The following PTCD3 variants were observed in gnomAD, a reference collection of about 807,000 sequenced individuals.
PTCD3 encodes small ribosomal subunit protein mS39.
A neutral mutation model predicts 101.9 loss-of-function variants in PTCD3; 89 were observed. That is an observed-to-expected ratio of 0.87 (90% confidence interval 0.74 to 1.04). The LOEUF (loss-of-function observed/expected upper bound fraction) is 1.04, where lower values mean the gene tolerates loss of function less well. Ranked by LOEUF, PTCD3 falls within the 50% of genes least tolerant of loss-of-function variation. The pLI, the probability that PTCD3 is intolerant of heterozygous loss-of-function variation, is 0.00. For missense variants in PTCD3, 870 were observed against 828.2 expected (o/e 1.05, Z -0.62); for synonymous variants, 296 against 278.5 (o/e 1.06, Z -0.63).
At chr2:86,128,262 ATTT>A (rs35529284) in intron 14 of PTCD3, among the ~76,000 whole-genome samples, 3 of 133,010 alleles carry the variant, frequency 2.3e-5, no homozygotes, top group Admixed American at 7.6e-5. Context: ...TGCCTAGCTG[ATTT>A]TTTTTTTTTT....
intron 1 of PTCD3, among the ~76,000 whole-genome samples, chr2:86,107,793 C>T (rs917600266): frequency 6.6e-5 from 10 of 152,200 alleles, no homozygotes; most frequent in East Asian, 1.9e-4. Context: ...GTAGTCCTTT[C>T]TGATCAGGGC....
intron 4 of PTCD3, 40 bp downstream of exon 4, chr2:86,111,198 G>GCTAATAACACA: frequency 1.3e-6 from 2 of 1,530,402 alleles, no homozygotes; most frequent in Non-Finnish European, 1.8e-6. Context: ...CTAAAACTTG[G>GCTAATAACACA]CTAATAACAC....
chr2:86,134,980 G>GT lies in PTCD3; in HGVS notation c.1771_1772insT (p.Glu591ValfsTer13). 1 of 1,614,060 alleles carries GT rather than the reference G, an allele frequency of 6.2e-7. No individual in the cohort carries two copies. The highest frequency in any genetic ancestry group is 8.5e-7 in the Non-Finnish European group (1 of 1,179,944). On this transcript the variant is annotated frameshift_variant, in exon 21 of 24. Transcript: ENST00000254630. LOFTEE classifies it high-confidence loss of function. ...CTTTTTAAGGGCTGGGAGAACTCAG[G>GT]AAGCCTGGTGAGTACAGTACCACAA...
chr2:86,129,046 T>A (rs548627803), intron 14 of PTCD3, among the ~76,000 whole-genome samples: 4 of 152,208 alleles, frequency 2.6e-5, no homozygotes, highest in Non-Finnish European at 5.9e-5. Flanking sequence ...GAGGACTAAT[T>A]TTGTAAAATC....
At chr2:86,136,381 C>T in intron 21 of PTCD3, 140 bp from the exon 22 acceptor site, 1 of 809,066 alleles carries the variant, frequency 1.2e-6, no homozygotes, top group South Asian at 1.7e-5. Flanking sequence ...TAGTAGAGCC[C>T]ACAGATGTGT....
intron 12 of PTCD3, among the ~76,000 whole-genome samples, chr2:86,126,129 C>CT (rs1480080425): frequency 6.6e-6 from 1 of 151,164 alleles, no homozygotes; most frequent in Non-Finnish European, 1.5e-5. Context: ...ACTTGGGAAG[C>CT]TGAGGCAAGA....
At position 86,111,125 on chromosome 2, in the gene PTCD3, C is replaced by T. The variant is rs116199932; in HGVS notation, c.207C>T (p.Ala69=). ...TTCTTATTTTTAGGGATAAAGTAGCCGTTCTTCAGGCACTTGCATCCACAG... is the reference window on the plus strand; with the variant it reads ...TTCTTATTTTTAGGGATAAAGTAGCTGTTCTTCAGGCACTTGCATCCACAG... The part of the protein sequence containing the change: ...IPKKKTWDKV[A]VLQALASTVN... The change falls in exon 4 of 24, where the codon GCC becomes GCT. Residue 69 remains alanine (A), a synonymous_variant. Transcript: ENST00000254630. 1.3e-3 allele frequency: 2,167 copies of T among 1,613,462 alleles called. 21 individuals carry two copies. The African/African-American group carries it at 0.022, about 16-fold the overall frequency.
intron 14 of PTCD3, among the ~76,000 whole-genome samples, chr2:86,128,912 G>C (rs938502710): frequency 6.6e-6 from 1 of 152,154 alleles, no homozygotes. Flanking sequence ...AAAATCTTTT[G>C]GTTCTTGTCC....
In PTCD3 at chr2:86,111,094, T is replaced by C. The variant is rs1674073579; in HGVS notation, c.195-19T>C. 1 of 1,608,618 alleles carries C rather than the reference T, an allele frequency of 6.2e-7. No homozygotes were observed. Among genetic ancestry groups the C allele is most frequent in the Non-Finnish European group, 8.5e-7 (1 of 1,175,098 alleles). On this transcript the variant is annotated intron_variant, in intron 3 of 23. Coordinates refer to ENST00000254630, the MANE Select transcript of PTCD3 (RefSeq NM_017952.6). ...ATGAAGAGCCCTGATGAGGATTAAC[T>C]TGTGGTTCTTATTTTTAGGGATAAA...
chr2:86,135,125 A>G (rs1038236323), intron 21 of PTCD3, 138 bp downstream of exon 21: 2 of 1,018,914 alleles, frequency 2.0e-6, no homozygotes, highest in African/African-American at 3.2e-5. Context: ...CCAACTAAAA[A>G]GCAAACTTTT....
At chr2:86,124,649 T>C (rs745646466) in intron 9 of PTCD3, among the ~76,000 whole-genome samples, 1 of 152,240 alleles carries the variant, frequency 6.6e-6, no homozygotes, top group Non-Finnish European at 1.5e-5. Flanking sequence ...TGGGAAGTAG[T>C]ATCTGAAGAT....
At chr2:86,116,819 G>C (rs991672983) in intron 5 of PTCD3, among the ~76,000 whole-genome samples, 3 of 152,130 alleles carry the variant, frequency 2.0e-5, no homozygotes, top group African/African-American at 7.2e-5. Context: ...TTTCACACTG[G>C]AGTGACCCAC....
intron 21 of PTCD3, among the ~76,000 whole-genome samples, chr2:86,135,675 G>C (rs374757207): frequency 4.2e-4 from 64 of 152,156 alleles, no homozygotes; most frequent in African/African-American, 1.5e-3. Context: ...CTTGTGCATG[G>C]CTCCTTGTAC....
At position 86,111,731 on chromosome 2, in the gene PTCD3, TTTTG is replaced by T. The variant is rs1000569179; in HGVS notation, c.240+589_240+592del. 89 of 156,956 alleles carry T rather than the reference TTTTG, an allele frequency of 5.7e-4. 1 individual carries two copies. Among genetic ancestry groups the T allele is most frequent in the Middle Eastern group, 3.2e-3 (1 of 310 alleles). 9.7% of individuals were successfully genotyped at this position (156,956 alleles called of 1,614,324 possible). On this transcript the variant is annotated intron_variant, in intron 4 of 23. Transcript: ENST00000254630. ...CAATGTAGCAAGACCCCCATCTGTT[TTTTG>T]TTTGTTTGTTTGTTTTGTTTTGTTT...
intron 4 of PTCD3, among the ~76,000 whole-genome samples, chr2:86,113,695 T>TA (rs970970976): frequency 2.1e-4 from 32 of 152,014 alleles, no homozygotes; most frequent in Non-Finnish European, 3.4e-4. Context: ...TAGTCCCAGC[T>TA]ACTTGGGAGG....
rs956261857 is a variant in PTCD3, at chr2:86,141,159, C to G, written c.*3600C>G. On this transcript the variant is annotated 3_prime_UTR_variant, in exon 24 of 24. Transcript: ENST00000254630. ...CTTGCCTCACAACCCCTGCAGAAGT[C>G]CTTCAACAAAACTAATAATAGACTA... is the stretch of plus-strand genomic sequence containing the variant. The G allele has an allele frequency of 6.6e-6, 1 of 152,180 alleles. No individual in the cohort carries two copies. Among genetic ancestry groups the G allele is most frequent in the South Asian group, 2.1e-4 (1 of 4,826 alleles). The allele number at this position is 152,180 out of a possible 1,614,324, so 9.4% of individuals were successfully genotyped here. A position where few individuals can be genotyped will look rare whatever the true frequency, so the allele number is the denominator to read the frequency against.
At chr2:86,119,205 C>G in intron 7 of PTCD3, 161 bp downstream of exon 7, 1 of 944,434 alleles carries the variant, frequency 1.1e-6, no homozygotes, top group Non-Finnish European at 1.5e-6. Flanking sequence ...TCATTTTTAG[C>G]TTTAGTGTTA....
At position 86,118,905 on chromosome 2, in the gene PTCD3, C is replaced by G. The variant is rs1432825922; in HGVS notation, c.415-16C>G. 6.2e-7 allele frequency: 1 copy of G among 1,607,646 alleles called. No individual in the cohort carries two copies. The highest frequency in any genetic ancestry group is 2.2e-5 in the East Asian group (1 of 44,828). ...TTTACCTGTTTGTAGTAACTTTAGT[C>G]ATCTTGTTTTCCTAGTGTTTAATGC... On this transcript the variant is annotated splice_polypyrimidine_tract_variant and intron_variant, in intron 6 of 23. Coordinates refer to ENST00000254630, the MANE Select transcript of PTCD3 (RefSeq NM_017952.6).
At position 86,116,717 on chromosome 2, in the gene PTCD3, C is replaced by T. The variant is rs60460813; in HGVS notation, c.309+119C>T. 0.014 allele frequency: 10,414 copies of T among 742,060 alleles called. 624 individuals carry two copies. The East Asian group carries it at 0.17, about 12-fold the overall frequency. The allele number at this position is 742,060 out of a possible 1,614,324, so 46.0% of individuals were successfully genotyped here. On this transcript the variant is annotated intron_variant, in intron 5 of 23. Coordinates refer to ENST00000254630, the MANE Select transcript of PTCD3 (RefSeq NM_017952.6). ...TTACAAATGCTGAGAAATTGATAGA[C>T]TATGTGAATCCTTTACTACTTTCTT...
Sources: gnomAD v4.1 joint callset for allele counts (sites outside exome capture counted in the v4.1 genomes callset) on GRCh38, gnomAD v4.1.1 for gene constraint, MANE v1.5 for transcripts, NCBI Gene and HGNC (gene_info 2026-07-23, HGNC 2026-07-21) for gene names.